Variants in RBMS3 observed in about 807,000 individuals in gnomAD.
RBMS3 encodes the protein RNA-binding motif, single-stranded-interacting protein 3.
Under a neutral mutation model 66.8 loss-of-function variants are expected in RBMS3, and 27 were observed. The observed-to-expected ratio is 0.40, with a 90% CI of 0.30 to 0.56. The LOEUF is 0.56. Among genes scored for constraint, RBMS3 ranks in the 20% least tolerant of loss-of-function variants. The pLI is 0.40. For synonymous variants in RBMS3, 188 were observed against 183.0 expected, an observed-to-expected ratio of 1.03 and a Z score of -0.22; for missense variants, 513 against 549.5, an observed-to-expected ratio of 0.93 and a Z score of 0.66.
At chr3:29,663,330 A>G (rs1053414453) in intron 4 of RBMS3, among the ~76,000 whole-genome samples, 2 of 152,204 alleles carry the variant, frequency 1.3e-5, no homozygotes, top group African/African-American at 4.8e-5. Context: ...TTAGTAGCCT[A>G]TGTTACTGTC....
At chr3:29,292,330 A>T (rs750293676) in intron 1 of RBMS3, among the ~76,000 whole-genome samples, 3 of 151,794 alleles carry the variant, frequency 2.0e-5, no homozygotes, top group Non-Finnish European at 4.4e-5. Flanking sequence ...AAGAAGACAC[A>T]TTCCTGTTCT....
At chr3:29,325,501 C>CATAT (rs376398023) in intron 1 of RBMS3, among the ~76,000 whole-genome samples, 4 of 149,034 alleles carry the variant, frequency 2.7e-5, no homozygotes, top group Non-Finnish European at 4.5e-5. Context: ...CCATTAAATG[C>CATAT]ATATATATAT....
At chr3:29,623,591 C>G (rs1265857508) in intron 4 of RBMS3, among the ~76,000 whole-genome samples, 2 of 115,680 alleles carry the variant, frequency 1.7e-5, no homozygotes, top group South Asian at 5.4e-4. Context: ...AAGACTGTCT[C>G]AAAAAAAAAA....
At chr3:29,420,565 T>TGTTTTG (rs1553600814) in intron 1 of RBMS3, among the ~76,000 whole-genome samples, 33 of 150,982 alleles carry the variant, frequency 2.2e-4, no homozygotes, top group African/African-American at 7.8e-4. Context: ...GGTTTGTTTT[T>TGTTTTG]TTTTGTTTTG....
In RBMS3 at chr3:29,281,156, T is replaced by C. The variant is rs1210045076; in HGVS notation, c.-526T>C. On this transcript the variant is annotated 5_prime_UTR_variant, in exon 1 of 15. Coordinates refer to ENST00000383767, the MANE Select transcript of RBMS3 (RefSeq NM_001003793.3). ...TTCTTCCTTTTTTTCTTTTTTTTTT[T>C]CTTTTTCCCCTTTCTTTTTCTTTCT... is the stretch of plus-strand genomic sequence containing the variant. 1 of 138,190 alleles carries C rather than the reference T, an allele frequency of 7.2e-6. No individual in the cohort carries two copies. Among genetic ancestry groups the C allele is most frequent in the Non-Finnish European group, 1.6e-5 (1 of 62,078 alleles). 8.6% of individuals were successfully genotyped at this position (138,190 alleles called of 1,614,324 possible).
intron 2 of RBMS3, among the ~76,000 whole-genome samples, chr3:29,450,939 C>T (rs1451221559): frequency 1.4e-5 from 2 of 143,378 alleles, no homozygotes; most frequent in Admixed American, 6.8e-5. Context: ...ACACCCCCCA[C>T]ACACACACAT....
intron 10 of RBMS3, among the ~76,000 whole-genome samples, chr3:29,930,278 A>AT (rs1186122747): frequency 6.7e-6 from 1 of 149,554 alleles, no homozygotes; most frequent in Admixed American, 6.7e-5. Context: ...CGCCTGGCTA[A>AT]TTTTTTCTAT....
At chr3:29,837,646 CAT>C (rs111815039) in intron 6 of RBMS3, among the ~76,000 whole-genome samples, 12,371 of 104,358 alleles carry the variant, frequency 0.12, 982 homozygotes, top group African/African-American at 0.22. Flanking sequence ...ATATAATGAA[CAT>C]ATATATATAA....
chr3:29,613,702 C>T (rs756076804), intron 4 of RBMS3, among the ~76,000 whole-genome samples: 9 of 152,006 alleles, frequency 5.9e-5, no homozygotes, highest in Non-Finnish European at 1.2e-4. Flanking sequence ...AGGCATTTCT[C>T]AAAAGAAGAC....
At chr3:29,904,907 A>C (rs1180653450) in intron 10 of RBMS3, among the ~76,000 whole-genome samples, 1 of 151,986 alleles carries the variant, frequency 6.6e-6, no homozygotes, top group Non-Finnish European at 1.5e-5. Context: ...TTTCTTATTT[A>C]TAAAAGATCT....
chr3:29,353,473 T>C (rs1013086320), intron 1 of RBMS3, among the ~76,000 whole-genome samples: 1 of 152,008 alleles, frequency 6.6e-6, no homozygotes, highest in African/African-American at 2.4e-5. Context: ...CTTTCTTTGC[T>C]TGATTGAAGC....
chr3:29,636,039 TG>T (rs2049461045), intron 4 of RBMS3, among the ~76,000 whole-genome samples: 1 of 2,270 alleles, frequency 4.4e-4, no homozygotes, highest in Non-Finnish European at 1.4e-3. Context: ...TCATCAAGAA[TG>T]TGTGTGTGTG....
At chr3:29,358,342 G>C (rs574522662) in intron 1 of RBMS3, among the ~76,000 whole-genome samples, 1 of 152,174 alleles carries the variant, frequency 6.6e-6, no homozygotes, top group African/African-American at 2.4e-5. Context: ...GTTTGTTAAA[G>C]ATCAGATAGT....
chr3:29,727,458 A>T (rs909133947), intron 4 of RBMS3, among the ~76,000 whole-genome samples: 3 of 152,190 alleles, frequency 2.0e-5, no homozygotes, highest in Non-Finnish European at 4.4e-5. Context: ...AATTTTTGCA[A>T]TCTACCTATC....
intron 12 of RBMS3, among the ~76,000 whole-genome samples, chr3:29,985,689 C>T (rs953583523): frequency 1.9e-4 from 29 of 152,122 alleles, no homozygotes; most frequent in African/African-American, 7.0e-4. Context: ...CACTATCTAA[C>T]CAATCCCAAT....
chr3:29,922,136 C>A (rs952460581), intron 10 of RBMS3, among the ~76,000 whole-genome samples: 1 of 152,210 alleles, frequency 6.6e-6, no homozygotes. Flanking sequence ...GAAACTTACT[C>A]TATTATAGCT....
At chr3:29,286,276 C>T (rs779279093) in intron 1 of RBMS3, among the ~76,000 whole-genome samples, 1 of 151,950 alleles carries the variant, frequency 6.6e-6, no homozygotes, top group Non-Finnish European at 1.5e-5. Flanking sequence ...AAGGAAGGGG[C>T]CATCCTTGTT....
rs146511548 is a variant in RBMS3, at chr3:29,289,979, G to A, written c.75+8223G>A. On this transcript the variant is annotated intron_variant, in intron 1 of 14. Coordinates refer to ENST00000383767, the MANE Select transcript of RBMS3 (RefSeq NM_001003793.3). The stretch of plus-strand genomic sequence containing the variant: ...AGACAGCTTATTGTTTTTTAATCCT[G>A]TGTACTACTACTTAGTCATTTTCCC... Among the ~76,000 whole-genome samples, 582 of 151,794 alleles carry A rather than the reference G, an allele frequency of 3.8e-3. 1 individual carries two copies. Among genetic ancestry groups the A allele is most frequent in the African/African-American group, 0.013 (548 of 41,480 alleles).
chr3:29,814,474 A>G (rs1182763539), intron 6 of RBMS3, among the ~76,000 whole-genome samples: 1 of 152,170 alleles, frequency 6.6e-6, no homozygotes, highest in East Asian at 1.9e-4. Flanking sequence ...AGGCTTTGGT[A>G]TCAGGATGAT....
Sources: allele counts gnomAD v4.1 joint callset (sites outside exome capture counted in the v4.1 genomes callset), GRCh38; gene constraint gnomAD v4.1.1; transcripts MANE v1.5; gene names NCBI Gene and HGNC (gene_info 2026-07-23, HGNC 2026-07-21).